DAB1: variants seen among roughly 807,000 people sequenced by gnomAD.
The protein encoded by DAB1 is DAB adaptor protein 1.
In DAB1, 15 loss-of-function variants were observed where a neutral mutation model predicts 64.6. That is an observed-to-expected ratio of 0.23 (90% confidence interval 0.16 to 0.36). The LOEUF is 0.36. Ranked by LOEUF, DAB1 falls within the 10% of genes least tolerant of loss-of-function variation. DAB1 has a pLI of 1.00. For missense variants in DAB1, 596 were observed against 706.7 expected (o/e 0.84, Z 1.78); for synonymous variants, 235 against 251.9 (o/e 0.93, Z 0.64).
chr1:57,868,677 A>T (rs764926183), intron 1 of DAB1, among the ~76,000 whole-genome samples: 14 of 152,096 alleles, frequency 9.2e-5, no homozygotes, highest in Non-Finnish European at 1.5e-4. Flanking sequence ...TTCCTTGAGG[A>T]TGTGGACTCT....
chr1:57,600,587 T>TAC (rs1645565821), intron 7 of DAB1, among the ~76,000 whole-genome samples: 1 of 152,150 alleles, frequency 6.6e-6, no homozygotes, highest in Admixed American at 6.5e-5. Flanking sequence ...CGGGATGGGT[T>TAC]AAGGCAGGGC....
intron 7 of DAB1, among the ~76,000 whole-genome samples, chr1:57,592,683 C>T (rs549115438): frequency 4.2e-4 from 64 of 152,204 alleles, no homozygotes; most frequent in Admixed American, 3.3e-4. Context: ...GCAAAAACCA[C>T]AATTACATTT....
chr1:57,083,063 G>A (rs1466713331), intron 4 of DAB1, among the ~76,000 whole-genome samples: 2 of 152,120 alleles, frequency 1.3e-5, no homozygotes, highest in African/African-American at 4.8e-5. Context: ...AAAAAGGGGA[G>A]GTGTTGCTAT....
chr1:58,277,331 C>T lies in DAB1; in HGVS notation n.309+66021G>A, dbSNP rs539048464. 8.5e-5 allele frequency among the ~76,000 whole-genome samples: 13 copies of T among 152,258 alleles called. No homozygotes were observed. The South Asian group carries it at 1.0e-3, about 12-fold the overall frequency. ...CTGGGATTACAGGCGTGACCCACCGCGCCCAGCCGATGCAAAGACTTTTAA... is the reference window on the plus strand; with the variant it reads ...CTGGGATTACAGGCGTGACCCACCGTGCCCAGCCGATGCAAAGACTTTTAA... On this transcript the variant is annotated intron_variant and non_coding_transcript_variant, in intron 4 of 20. Coordinates refer to the DAB1 transcript ENST00000485760.
chr1:58,306,904 C>T (rs540362929), intron 4 of DAB1, among the ~76,000 whole-genome samples: 1 of 152,160 alleles, frequency 6.6e-6, no homozygotes, highest in Non-Finnish European at 1.5e-5. Context: ...AAGTCCTTGT[C>T]GAGGGACATA....
chr1:57,721,224 C>T lies in DAB1; in HGVS notation n.552-71559G>A, dbSNP rs527544902. ...TTATGAAGGCAAGAAAATTGAATGA[C>T]TGATCTAATTCCTGCCGCTGGAGAT... On this transcript the variant is annotated intron_variant and non_coding_transcript_variant, in intron 6 of 20. Transcript: ENST00000485760. Among the ~76,000 whole-genome samples the T allele has an allele frequency of 3.3e-5, 5 of 152,254 alleles. No individual in the cohort carries two copies. The South Asian group carries it at 1.0e-3, about 32-fold the overall frequency.
upstream of DAB1, among the ~76,000 whole-genome samples, chr1:57,425,880 G>T (rs1685266678): frequency 2.0e-5 from 3 of 152,198 alleles, 1 homozygote; most frequent in South Asian, 6.2e-4. Context: ...TCTACACTGT[G>T]TAGGAAGTTC....
chr1:57,584,407 G>T (rs1645353072), intron 7 of DAB1, among the ~76,000 whole-genome samples: 1 of 152,164 alleles, frequency 6.6e-6, no homozygotes, highest in African/African-American at 2.4e-5. Flanking sequence ...GAGGCCTTAA[G>T]CTCTGTACAG....
At chr1:57,730,574 G>A (rs932618714) in intron 6 of DAB1, among the ~76,000 whole-genome samples, 2 of 152,180 alleles carry the variant, frequency 1.3e-5, no homozygotes, top group East Asian at 1.9e-4. Context: ...ATAAACCAAG[G>A]TCAGTGGAGG....
chr1:57,242,536 G>A (rs1222868417), intron 2 of DAB1, among the ~76,000 whole-genome samples: 2 of 152,130 alleles, frequency 1.3e-5, no homozygotes, highest in African/African-American at 4.8e-5. Flanking sequence ...CAAGGTAAAA[G>A]CAGAAATACG....
At chr1:58,475,209 G>T (rs1262853966) in intron 3 of DAB1, among the ~76,000 whole-genome samples, 2 of 152,196 alleles carry the variant, frequency 1.3e-5, no homozygotes, top group Non-Finnish European at 2.9e-5. Flanking sequence ...AGGCTGGAGT[G>T]CAGTGGCACG....
intron 4 of DAB1, among the ~76,000 whole-genome samples, chr1:58,179,332 A>G (rs1382410441): frequency 6.6e-6 from 1 of 152,106 alleles, no homozygotes; most frequent in Non-Finnish European, 1.5e-5. Flanking sequence ...TTTGGTATCA[A>G]GTTAACACTG....
Position 57,218,515 on chromosome 1 carries a change from T to TAAAAAAAAAAAAA in DAB1, c.67+72436_67+72448dup, listed in dbSNP as rs776398255. Among the ~76,000 whole-genome samples the TAAAAAAAAAAAAA allele has an allele frequency of 3.9e-4, 28 of 71,448 alleles. 2 individuals carry two copies. The highest frequency in any genetic ancestry group is 1.3e-3 in the African/African-American group (18 of 13,462). 46.9% of individuals were successfully genotyped at this position (71,448 alleles called of 152,430 possible). On this transcript the variant is annotated intron_variant, in intron 2 of 14. Coordinates refer to ENST00000371236, the MANE Select transcript of DAB1 (RefSeq NM_001365792.1). The stretch of plus-strand genomic sequence containing the variant: ...AGCAACATAGTGAGACCCCCATCTC[T>TAAAAAAAAAAAAA]AAAAAAAAAAAAAAAAAAAAAAAAA...
intron 1 of DAB1, among the ~76,000 whole-genome samples, chr1:57,393,218 G>T (rs957336382): frequency 2.0e-5 from 3 of 152,130 alleles, no homozygotes; most frequent in East Asian, 1.9e-4. Flanking sequence ...ACTCATAGGG[G>T]TGTTATGACA....
chr1:57,756,202 C>G (rs1051923238), intron 6 of DAB1, among the ~76,000 whole-genome samples: 2 of 152,066 alleles, frequency 1.3e-5, no homozygotes, highest in Admixed American at 1.3e-4. Flanking sequence ...GTGCTGAGAT[C>G]CAAATAACAT....
chr1:57,903,251 C>T (rs1419549918), intron 5 of DAB1, among the ~76,000 whole-genome samples: 2 of 152,116 alleles, frequency 1.3e-5, no homozygotes, highest in Non-Finnish European at 2.9e-5. Flanking sequence ...GTTGTTAATA[C>T]TTACTCAATT....
chr1:58,395,602 G>A (rs1348316517), intron 3 of DAB1, among the ~76,000 whole-genome samples: 1 of 152,190 alleles, frequency 6.6e-6, no homozygotes, highest in African/African-American at 2.4e-5. Context: ...GGAGGAAAAA[G>A]GCAGAAAAGG....
chr1:57,266,114 A>T (rs771458081), intron 2 of DAB1, among the ~76,000 whole-genome samples: 1 of 152,200 alleles, frequency 6.6e-6, no homozygotes, highest in Non-Finnish European at 1.5e-5. Flanking sequence ...TCTGCACACA[A>T]GGGAAGAACC....
rs1438751169 is a variant in DAB1 at position 56,994,903 on chromosome 1, C to T, written c.*3241G>A. 6.6e-6 allele frequency: 1 copy of T among 151,974 alleles called. No homozygotes were observed. The highest frequency in any genetic ancestry group is 1.5e-5 in the Non-Finnish European group (1 of 68,014). 9.4% of individuals were successfully genotyped at this position (151,974 alleles called of 1,614,324 possible). A position where few individuals can be genotyped will look rare whatever the true frequency, so the allele number is the denominator to read the frequency against. ...TACATAAAGTTAAAAATAATGTGTC[C>T]ATATATGTTAACAAACTGTCATCTG... On this transcript the variant is annotated 3_prime_UTR_variant, in exon 15 of 15. Coordinates refer to ENST00000371236, the MANE Select transcript of DAB1 (RefSeq NM_001365792.1).
Sources: gnomAD v4.1 joint callset for allele counts (sites outside exome capture counted in the v4.1 genomes callset) on GRCh38, gnomAD v4.1.1 for gene constraint, MANE v1.5 for transcripts, NCBI Gene and HGNC (gene_info 2026-07-23, HGNC 2026-07-21) for gene names.